The following FNDC3A variants were observed in gnomAD, a reference collection of about 807,000 sequenced individuals.
FNDC3A encodes fibronectin type-III domain-containing protein 3A.
Under a neutral mutation model 148.9 loss-of-function variants are expected in FNDC3A, and 32 were observed. That is an observed-to-expected ratio of 0.21 (90% CI 0.16 to 0.29). The LOEUF (loss-of-function observed/expected upper bound fraction) is 0.29. Ranked by LOEUF, FNDC3A falls within the 10% of genes least tolerant of loss-of-function variation. The pLI, the probability that FNDC3A is intolerant of heterozygous loss-of-function variation, is 1.00. For missense variants in FNDC3A, 1,191 were observed against 1,452.8 expected, an observed-to-expected ratio of 0.82 and a Z score of 2.93; for synonymous variants, 472 against 473.6, an observed-to-expected ratio of 1.00 and a Z score of 0.04.
In FNDC3A at chr13:48,992,446, TAAG is replaced by T. The variant is rs1446846946; in HGVS notation, c.-39-13703_-39-13701del. On this transcript the variant is annotated intron_variant, in intron 1 of 25. Coordinates refer to ENST00000492622, the MANE Select transcript of FNDC3A (RefSeq NM_001079673.2). The stretch of plus-strand genomic sequence containing the variant: ...ATAAAGCACTATCAAAACTAAATAA[TAAG>T]AAAACAGTCTAGTAACTAAATGGAC... 3.3e-5 allele frequency among the ~76,000 whole-genome samples: 5 copies of T among 152,064 alleles called. No homozygotes were observed. The East Asian group carries it at 9.6e-4, about 29-fold the overall frequency.
chr13:48,994,592 A>G (rs775200208), intron 1 of FNDC3A, among the ~76,000 whole-genome samples: 8 of 152,204 alleles, frequency 5.3e-5, no homozygotes, highest in Admixed American at 3.9e-4. Flanking sequence ...AGCCTGGCCA[A>G]CATGGTGAAA....
At chr13:49,148,156 C>T (rs1883095712) in intron 8 of FNDC3A, among the ~76,000 whole-genome samples, 2 of 152,218 alleles carry the variant, frequency 1.3e-5, no homozygotes, top group Non-Finnish European at 2.9e-5. Flanking sequence ...ATACTCTCTC[C>T]CTTTCTGAGG....
intron 2 of FNDC3A, chr13:49,045,046 T>TCCTTTCCCTTTC (rs1207595091): frequency 1.8e-5 from 1 of 54,698 alleles, no homozygotes; most frequent in African/African-American, 5.8e-5. Flanking sequence ...CTTTCCCTTT[T>TCCTTTCCCTTTC]CCTTTCCCTT....
At chr13:49,156,457 G>A (rs1046039420) in intron 8 of FNDC3A, among the ~76,000 whole-genome samples, 6 of 150,820 alleles carry the variant, frequency 4.0e-5, no homozygotes, top group African/African-American at 1.5e-4. Flanking sequence ...ACACTGATGG[G>A]TCTTGACTCT....
intron 2 of FNDC3A, among the ~76,000 whole-genome samples, chr13:49,027,535 G>T (rs899219535): frequency 6.6e-6 from 1 of 152,086 alleles, no homozygotes; most frequent in African/African-American, 2.4e-5. Flanking sequence ...TGGCTTATAA[G>T]GTATAAAAAT....
chr13:49,167,159 ATACTC>A (rs1884510062), intron 8 of FNDC3A, 80 bp from the exon 9 acceptor site: 1 of 718,918 alleles, frequency 1.4e-6, no homozygotes, highest in Non-Finnish European at 2.3e-6. Flanking sequence ...GTTTCATAAA[ATACTC>A]TAAACTATAG....
intron 14 of FNDC3A, among the ~76,000 whole-genome samples, chr13:49,180,302 A>G (rs142137434): frequency 6.6e-6 from 1 of 152,334 alleles, no homozygotes; most frequent in Non-Finnish European, 1.5e-5. Context: ...AATTGTTTTC[A>G]CTATTAAAAA....
chr13:49,161,003 G>C (rs202194011), intron 8 of FNDC3A, among the ~76,000 whole-genome samples: 12 of 152,154 alleles, frequency 7.9e-5, no homozygotes, highest in African/African-American at 2.4e-5. Context: ...TATAATTTCT[G>C]TTCTTTTACA....
At chr13:49,086,890 G>A (rs951927008) in intron 3 of FNDC3A, among the ~76,000 whole-genome samples, 2 of 151,902 alleles carry the variant, frequency 1.3e-5, no homozygotes, top group Non-Finnish European at 2.9e-5. Flanking sequence ...TTGTAAAAAT[G>A]AATTATAACA....
At chr13:49,035,999 T>C (rs1874464442) in intron 2 of FNDC3A, among the ~76,000 whole-genome samples, 1 of 152,142 alleles carries the variant, frequency 6.6e-6, no homozygotes, top group South Asian at 2.1e-4. Flanking sequence ...ATTGACAAGA[T>C]CTAGCCAAGT....
chr13:49,121,629 G>A (rs1303694657), intron 4 of FNDC3A, among the ~76,000 whole-genome samples: 2 of 151,894 alleles, frequency 1.3e-5, no homozygotes, highest in African/African-American at 2.4e-5. Context: ...AAAGAGAGGA[G>A]AACCAAATAG....
chr13:49,167,202 G>C, intron 8 of FNDC3A, 42 bp from the exon 9 acceptor site: 1 of 1,266,976 alleles, frequency 7.9e-7, no homozygotes. Flanking sequence ...GGTTGAAAAT[G>C]CTTTATTTAT....
chr13:49,079,620 T>C (rs1381583928), intron 3 of FNDC3A, among the ~76,000 whole-genome samples: 1 of 152,208 alleles, frequency 6.6e-6, no homozygotes, highest in Non-Finnish European at 1.5e-5. Flanking sequence ...AAAAGTTGTG[T>C]AAATATGTGG....
intron 12 of FNDC3A, 64 bp from the exon 13 acceptor site, chr13:49,175,303 C>A: frequency 1.7e-6 from 2 of 1,195,098 alleles, no homozygotes; most frequent in Non-Finnish European, 2.3e-6. Flanking sequence ...ACATCTGTCA[C>A]AAACTTGTTC....
At chr13:49,130,533 T>TC (rs1179768639) in intron 4 of FNDC3A, among the ~76,000 whole-genome samples, 1 of 152,146 alleles carries the variant, frequency 6.6e-6, no homozygotes, top group African/African-American at 2.4e-5. Context: ...CCAAAATTAC[T>TC]CCATCAGGAA....
At chr13:49,019,324 G>A (rs894616846) in intron 2 of FNDC3A, among the ~76,000 whole-genome samples, 11 of 152,362 alleles carry the variant, frequency 7.2e-5, no homozygotes, top group African/African-American at 2.2e-4. Flanking sequence ...TTTTAAGCCC[G>A]TCGGAAAAGC....
intron 16 of FNDC3A, among the ~76,000 whole-genome samples, chr13:49,188,135 A>G (rs780093038): frequency 2.0e-5 from 3 of 152,218 alleles, no homozygotes; most frequent in African/African-American, 4.8e-5. Flanking sequence ...TTTCCTGCCA[A>G]AAAGAAAAAA....
chr13:49,131,460 A>G (rs1036201161), intron 5 of FNDC3A, 86 bp downstream of exon 5: 5 of 979,082 alleles, frequency 5.1e-6, no homozygotes, highest in Non-Finnish European at 8.1e-6. Context: ...ATCACATTAA[A>G]AAAACAGCAA....
intron 3 of FNDC3A, among the ~76,000 whole-genome samples, chr13:49,109,457 A>G (rs920279981): frequency 2.0e-5 from 3 of 152,230 alleles, no homozygotes; most frequent in African/African-American, 7.2e-5. Context: ...AACTTGTTAC[A>G]AACCACTGTC....
Sources: gnomAD v4.1 joint callset for allele counts (sites outside exome capture counted in the v4.1 genomes callset) on GRCh38, gnomAD v4.1.1 for gene constraint, MANE v1.5 for transcripts, NCBI Gene and HGNC (gene_info 2026-07-23, HGNC 2026-07-21) for gene names.